The following MYO5B variants were observed in gnomAD, a reference collection of about 807,000 sequenced individuals.
MYO5B encodes the protein unconventional myosin-Vb.
Under a neutral mutation model 229.3 loss-of-function variants are expected in MYO5B, and 143 were observed. The ratio of observed to expected loss-of-function variants is 0.62; its 90% CI spans 0.54 to 0.72. MYO5B has a LOEUF of 0.72. Ranked by LOEUF, MYO5B falls within the 30% of genes least tolerant of loss-of-function variation. MYO5B has a pLI of 0.00. For synonymous variants in MYO5B, 918 were observed against 885.2 expected, an observed-to-expected ratio of 1.04 and a Z score of -0.66; for missense variants, 2,321 against 2,331.0, an observed-to-expected ratio of 1.00 and a Z score of 0.09.
In MYO5B at chr18:50,055,230, ACCTCACCCCCGCCCCCCTGCCCCG is replaced by A; in HGVS notation, c.138+14_138+37del. On this transcript the variant is annotated intron_variant, in intron 2 of 39. Coordinates refer to ENST00000285039, the MANE Select transcript of MYO5B (RefSeq NM_001080467.3). ...CTTGCACACCTGAGCTCCCTGCCCC[ACCTCACCCCCGCCCCCCTGCCCCG>A]GACTCACTCTTACCGTTTCATCCTC... The A allele has an allele frequency of 3.9e-6, 1 of 258,416 alleles. No homozygotes were observed. The highest frequency in any genetic ancestry group is 7.6e-6 in the Non-Finnish European group (1 of 131,278). 16.0% of individuals were successfully genotyped at this position (258,416 alleles called of 1,614,324 possible).
At chr18:49,871,197 G>A (rs539525241) in intron 27 of MYO5B, among the ~76,000 whole-genome samples, 4 of 152,156 alleles carry the variant, frequency 2.6e-5, no homozygotes, top group Admixed American at 2.0e-4. Context: ...AATACTATAC[G>A]ATTCTACTTA....
chr18:49,839,393 G>T, intron 35 of MYO5B, 99 bp from the exon 36 acceptor site: 1 of 1,409,994 alleles, frequency 7.1e-7, no homozygotes, highest in Non-Finnish European at 9.9e-7. Context: ...TTGGTGGGCA[G>T]GGGGCCTACT....
At chr18:49,958,157 C>A (rs2025517216) in intron 12 of MYO5B, among the ~76,000 whole-genome samples, 2 of 152,200 alleles carry the variant, frequency 1.3e-5, no homozygotes, top group South Asian at 4.1e-4. Flanking sequence ...ACTCATCTTC[C>A]TTTAACCAAG....
intron 31 of MYO5B, 38 bp downstream of exon 31, chr18:49,853,411 C>T (rs1185589691): frequency 6.2e-7 from 1 of 1,611,626 alleles, no homozygotes; most frequent in South Asian, 1.1e-5. Flanking sequence ...TAGAACGTGA[C>T]TTCCCAAAGC....
chr18:50,043,377 A>T (rs1343811561), intron 2 of MYO5B, among the ~76,000 whole-genome samples: 10 of 71,494 alleles, frequency 1.4e-4, no homozygotes, highest in East Asian at 4.1e-4. Context: ...TATAATATAT[A>T]ATATATTAAA....
chr18:50,010,125 T>C (rs561993263), intron 4 of MYO5B, among the ~76,000 whole-genome samples: 1 of 152,348 alleles, frequency 6.6e-6, no homozygotes, highest in South Asian at 2.1e-4. Flanking sequence ...CCCAAGTGCC[T>C]ACTTGGTAAG....
At chr18:49,858,566 C>T (rs1249015531) in intron 29 of MYO5B, among the ~76,000 whole-genome samples, 5 of 152,204 alleles carry the variant, frequency 3.3e-5, no homozygotes, top group African/African-American at 1.2e-4. Context: ...CAGAGGTTCA[C>T]CTCACCTCTG....
chr18:50,085,433 G>A (rs914654395), intron 1 of MYO5B, among the ~76,000 whole-genome samples: 1 of 152,044 alleles, frequency 6.6e-6, no homozygotes, highest in Non-Finnish European at 1.5e-5. Flanking sequence ...TGGAGAGGAT[G>A]TGGAGAAATA....
chr18:50,039,597 C>G (rs1266242695), intron 3 of MYO5B, among the ~76,000 whole-genome samples: 1 of 152,130 alleles, frequency 6.6e-6, no homozygotes. Flanking sequence ...TCCCAAAGTG[C>G]TGGGATTACA....
intron 14 of MYO5B, among the ~76,000 whole-genome samples, chr18:49,948,513 A>G (rs2025399472): frequency 6.6e-6 from 1 of 152,228 alleles, no homozygotes; most frequent in Non-Finnish European, 1.5e-5. Context: ...AAGTATTGGC[A>G]GAAGCTTTTC....
At chr18:50,099,783 G>C (rs74861239) in intron 1 of MYO5B, among the ~76,000 whole-genome samples, 1,561 of 152,274 alleles carry the variant, frequency 0.01, 29 homozygotes, top group African/African-American at 0.035. Context: ...TTGTACTTAT[G>C]TTCCCCCTGT....
intron 4 of MYO5B, among the ~76,000 whole-genome samples, chr18:50,028,073 G>C (rs2026350101): frequency 6.6e-6 from 1 of 152,272 alleles, no homozygotes; most frequent in South Asian, 2.1e-4. Flanking sequence ...TTAAGGAAAT[G>C]TTTGCTATCT....
intron 14 of MYO5B, among the ~76,000 whole-genome samples, chr18:49,951,516 A>G (rs1253125157): frequency 6.6e-6 from 1 of 152,246 alleles, no homozygotes; most frequent in Non-Finnish European, 1.5e-5. Flanking sequence ...ATAAGGGAAA[A>G]GCAGCTCAGC....
At chr18:49,870,196 G>A (rs941588201) in intron 27 of MYO5B, among the ~76,000 whole-genome samples, 1 of 152,160 alleles carries the variant, frequency 6.6e-6, no homozygotes, top group African/African-American at 2.4e-5. Flanking sequence ...GTGTGGCCCT[G>A]GTTGTTTAAA....
chr18:50,167,913 C>T (rs2032875922), intron 1 of MYO5B, among the ~76,000 whole-genome samples: 1 of 152,196 alleles, frequency 6.6e-6, no homozygotes, highest in African/African-American at 2.4e-5. Flanking sequence ...CCTATGTATT[C>T]ACCATAAAGG....
At chr18:49,923,488 TC>T (rs2025097148) in intron 17 of MYO5B, among the ~76,000 whole-genome samples, 1 of 152,022 alleles carries the variant, frequency 6.6e-6, no homozygotes, top group East Asian at 1.9e-4. Context: ...CCCACTGGCT[TC>T]CCCCTCTAAA....
chr18:50,150,584 C>CA (rs974786869), intron 1 of MYO5B, among the ~76,000 whole-genome samples: 3 of 151,634 alleles, frequency 2.0e-5, no homozygotes, highest in African/African-American at 4.8e-5. Flanking sequence ...ATCGCAAGAA[C>CA]AAAAAACCAA....
In MYO5B at chr18:49,874,148, C is replaced by T. The variant is rs538348801; in HGVS notation, c.3537+1539G>A. On this transcript the variant is annotated intron_variant, in intron 26 of 39. Coordinates refer to ENST00000285039, the MANE Select transcript of MYO5B (RefSeq NM_001080467.3). ...ACTGTCAGAAACAAGGCCATTCTCC[C>T]TAAAGAGAGATCCTTAATATACATG... Among the ~76,000 whole-genome samples the T allele has an allele frequency of 2.6e-5, 4 of 152,338 alleles. No homozygotes were observed. The South Asian group carries it at 6.2e-4, about 24-fold the overall frequency.
intron 14 of MYO5B, among the ~76,000 whole-genome samples, chr18:49,952,717 A>C (rs7228877): frequency 0.49 from 73,943 of 151,886 alleles, 19,000 homozygotes; most frequent in Middle Eastern, 0.69. Flanking sequence ...TGAAATTCTG[A>C]TAATAACAGA....
Sources: allele counts gnomAD v4.1 joint callset (sites outside exome capture counted in the v4.1 genomes callset), GRCh38; gene constraint gnomAD v4.1.1; transcripts MANE v1.5; gene names NCBI Gene and HGNC (gene_info 2026-07-23, HGNC 2026-07-21).